Variants in EYS observed in about 807,000 individuals in gnomAD.
EYS encodes protein eyes shut homolog.
In EYS, 250 loss-of-function variants were observed where a neutral mutation model predicts 282.1. The observed-to-expected ratio is 0.89, with a 90% confidence interval of 0.80 to 0.98. The LOEUF (loss-of-function observed/expected upper bound fraction) is 0.98. Among genes scored for constraint, EYS ranks in the 50% least tolerant of loss-of-function variants. The pLI, the probability that EYS is intolerant of heterozygous loss-of-function variation, is 0.00. For missense variants in EYS, 4,016 were observed against 3,709.0 expected (o/e 1.08, Z -2.15); for synonymous variants, 1,355 against 1,282.9 (o/e 1.06, Z -1.20).
At chr6:64,767,100 T>C (rs935609013) in intron 22 of EYS, among the ~76,000 whole-genome samples, 1 of 147,662 alleles carries the variant, frequency 6.8e-6, no homozygotes, top group Non-Finnish European at 1.5e-5. Context: ...AAGGTAAAAT[T>C]GTATTTTTTC....
intron 35 of EYS, among the ~76,000 whole-genome samples, chr6:63,893,527 G>A (rs1773459888): frequency 6.6e-6 from 1 of 152,104 alleles, no homozygotes; most frequent in African/African-American, 2.4e-5. Flanking sequence ...GTTGAACAAT[G>A]AGGACATATG....
At chr6:64,618,577 G>C (rs1487577943) in intron 23 of EYS, among the ~76,000 whole-genome samples, 1 of 152,064 alleles carries the variant, frequency 6.6e-6, no homozygotes, top group Non-Finnish European at 1.5e-5. Flanking sequence ...GTTCTTCCCT[G>C]ATAAATTGTA....
At position 63,895,766 on chromosome 6, in the gene EYS, A is replaced by T. The variant is rs535434784; in HGVS notation, c.7056-31408T>A. On this transcript the variant is annotated intron_variant, in intron 35 of 42. Coordinates refer to ENST00000503581, the MANE Select transcript of EYS (RefSeq NM_001142800.2). ...TAATTCTTCCTTCAGTGAAGTACTA[A>T]GCCATGTGTGTAGTCCTAGTTCCCA... Among the ~76,000 whole-genome samples, 8 of 152,282 alleles carry T rather than the reference A, an allele frequency of 5.3e-5. No individual in the cohort carries two copies. The South Asian group carries it at 1.7e-3, about 32-fold the overall frequency.
chr6:64,911,309 T>A (rs1767983948), intron 16 of EYS, among the ~76,000 whole-genome samples: 1 of 152,126 alleles, frequency 6.6e-6, no homozygotes, highest in African/African-American at 2.4e-5. Flanking sequence ...TATTCTCTCA[T>A]ATGCTCTATA....
intron 12 of EYS, among the ~76,000 whole-genome samples, chr6:65,246,106 T>C (rs1197149552): frequency 6.6e-6 from 1 of 152,100 alleles, no homozygotes; most frequent in Non-Finnish European, 1.5e-5. Flanking sequence ...TTCAATCTTA[T>C]TTTGGTTGTT....
chr6:63,770,551 A>G (rs528437249), intron 40 of EYS, among the ~76,000 whole-genome samples: 1 of 152,308 alleles, frequency 6.6e-6, no homozygotes, highest in Non-Finnish European at 1.5e-5. Flanking sequence ...AAAGGAATCT[A>G]GTTCTGCATA....
intron 19 of EYS, among the ~76,000 whole-genome samples, chr6:64,860,168 C>G (rs556188320): frequency 1.3e-5 from 2 of 152,288 alleles, no homozygotes; most frequent in South Asian, 4.1e-4. Flanking sequence ...ATTGATTGCT[C>G]TAGAGTTTGC....
At chr6:64,638,956 G>A (rs1235113510) in intron 22 of EYS, among the ~76,000 whole-genome samples, 1 of 84,826 alleles carries the variant, frequency 1.2e-5, no homozygotes. Flanking sequence ...AGATTTTCAG[G>A]GTTGCCATAA....
intron 26 of EYS, among the ~76,000 whole-genome samples, chr6:64,563,878 A>G (rs553316902): frequency 6.6e-6 from 1 of 152,176 alleles, no homozygotes; most frequent in South Asian, 2.1e-4. Flanking sequence ...TTAGAAAACC[A>G]AAAATATCTA....
chr6:64,052,770 G>A (rs1229799127), intron 33 of EYS, among the ~76,000 whole-genome samples: 1 of 152,000 alleles, frequency 6.6e-6, no homozygotes, highest in Non-Finnish European at 1.5e-5. Context: ...TAAGTCTCGC[G>A]GGGTCTGATG....
In EYS at chr6:64,034,331, T is replaced by G. The variant is rs114418226; in HGVS notation, c.6725+32007A>C. On this transcript the variant is annotated intron_variant, in intron 33 of 42. Transcript: ENST00000503581. ...GCCAGAGACCAAGTACTTTTATATA[T>G]GTACTACATATATTAGCTCATAACC... Among the ~76,000 whole-genome samples, 1,259 of 152,304 alleles carry G rather than the reference T, an allele frequency of 8.3e-3. 21 individuals are homozygous for G. The highest frequency in any genetic ancestry group is 0.029 in the African/African-American group (1,215 of 41,556).
intron 13 of EYS, among the ~76,000 whole-genome samples, chr6:65,010,437 C>T (rs1054699504): frequency 1.5e-4 from 23 of 152,212 alleles, no homozygotes; most frequent in Middle Eastern, 3.2e-3. Context: ...ACTTGTGCAA[C>T]TCTTAACCCA....
intron 28 of EYS, among the ~76,000 whole-genome samples, chr6:64,429,854 G>A (rs1012279139): frequency 6.6e-6 from 1 of 152,136 alleles, no homozygotes; most frequent in African/African-American, 2.4e-5. Flanking sequence ...CATTTAAAAT[G>A]AAAATCAATT....
At chr6:65,579,955 T>C (rs1764812971) in intron 2 of EYS, among the ~76,000 whole-genome samples, 1 of 152,130 alleles carries the variant, frequency 6.6e-6, no homozygotes. Flanking sequence ...GAAAGGTAAG[T>C]TACATAAAAT....
intron 22 of EYS, among the ~76,000 whole-genome samples, chr6:64,688,644 C>G (rs773887482): frequency 6.6e-6 from 1 of 152,042 alleles, no homozygotes; most frequent in Non-Finnish European, 1.5e-5. Flanking sequence ...TTACTTCCAA[C>G]CCTGTGGTCA....
rs773257791 is a variant in EYS, at chr6:64,714,304, G to A, written c.3444-88059C>T. On this transcript the variant is annotated intron_variant, in intron 22 of 42. Transcript: ENST00000503581. The stretch of plus-strand genomic sequence containing the variant: ...GAGAAAAAAAGATAAAATCTAGTAC[G>A]GGAAGTATTCTAATAAGTGTCTTTT... Among the ~76,000 whole-genome samples, 40 of 152,016 alleles carry A rather than the reference G, an allele frequency of 2.6e-4. 1 individual carries two copies. The highest frequency in any genetic ancestry group is 5.1e-4 in the Non-Finnish European group (35 of 68,010).
intron 31 of EYS, among the ~76,000 whole-genome samples, chr6:64,152,734 T>C (rs1774784594): frequency 6.6e-6 from 1 of 152,078 alleles, no homozygotes; most frequent in South Asian, 2.1e-4. Flanking sequence ...TTCTGAGTTA[T>C]CTGAAAAGGA....
chr6:64,096,925 G>C (rs1024677932), intron 31 of EYS, among the ~76,000 whole-genome samples: 2 of 152,280 alleles, frequency 1.3e-5, no homozygotes, highest in African/African-American at 4.8e-5. Context: ...TACAGATGGG[G>C]TTTTGGTGTG....
intron 31 of EYS, among the ~76,000 whole-genome samples, chr6:64,167,996 C>T (rs887779825): frequency 1.3e-5 from 2 of 152,204 alleles, no homozygotes; most frequent in African/African-American, 4.8e-5. Flanking sequence ...GGCGCAGTGG[C>T]TCACGCCTGT....
Sources: allele counts gnomAD v4.1 joint callset (sites outside exome capture counted in the v4.1 genomes callset), GRCh38; gene constraint gnomAD v4.1.1; transcripts MANE v1.5; gene names NCBI Gene and HGNC (gene_info 2026-07-23, HGNC 2026-07-21).